The following SNTG1 variants were observed in gnomAD, a reference collection of about 807,000 sequenced individuals.
SNTG1 encodes the protein syntrophin gamma 1.
Under a neutral mutation model 74.7 loss-of-function variants are expected in SNTG1, and 39 were observed. The ratio of observed to expected loss-of-function variants is 0.52; its 90% confidence interval spans 0.40 to 0.68. The LOEUF is 0.68. Ranked by LOEUF, SNTG1 falls within the 30% of genes least tolerant of loss-of-function variation. SNTG1 has a pLI of 0.00. For missense variants in SNTG1, 685 were observed against 609.5 expected (o/e 1.12, Z -1.30); for synonymous variants, 254 against 217.1 (o/e 1.17, Z -1.49).
rs558644765 is a variant in SNTG1, at chr8:50,448,715, A to G, written c.220-953A>G. Among the ~76,000 whole-genome samples, 3 of 151,442 alleles carry G rather than the reference A, an allele frequency of 2.0e-5. No homozygotes were observed. The South Asian group carries it at 6.3e-4, about 32-fold the overall frequency. On this transcript the variant is annotated intron_variant, in intron 5 of 18. Transcript: ENST00000642720. ...TTAGCTTACTTGTCTTTCTTTTTTC[A>G]TATCTCATTTAGTCAACTAATAAAT...
At chr8:50,600,253 TA>T (rs1337136457) in intron 13 of SNTG1, among the ~76,000 whole-genome samples, 1 of 151,968 alleles carries the variant, frequency 6.6e-6, no homozygotes, top group East Asian at 1.9e-4. Flanking sequence ...TATTGGCCTG[TA>T]ATTTTTTTTT....
At chr8:50,352,680 G>A (rs930248638) in intron 2 of SNTG1, among the ~76,000 whole-genome samples, 2 of 152,100 alleles carry the variant, frequency 1.3e-5, no homozygotes, top group Non-Finnish European at 2.9e-5. Flanking sequence ...TGTATACCAG[G>A]CTTTTGGTCC....
At chr8:50,512,056 GT>G (rs2094082820) in intron 9 of SNTG1, among the ~76,000 whole-genome samples, 1 of 152,138 alleles carries the variant, frequency 6.6e-6, no homozygotes, top group East Asian at 1.9e-4. Context: ...GCTGGTACTG[GT>G]TTTTCCTTTC....
At chr8:50,110,389 C>G (rs979404779) in intron 1 of SNTG1, among the ~76,000 whole-genome samples, 6 of 152,174 alleles carry the variant, frequency 3.9e-5, no homozygotes, top group Non-Finnish European at 7.3e-5. Context: ...CAGGTGCAGG[C>G]AGGACTCTCA....
At chr8:50,112,631 T>C (rs1481798930) in intron 1 of SNTG1, among the ~76,000 whole-genome samples, 1 of 148,610 alleles carries the variant, frequency 6.7e-6, no homozygotes, top group East Asian at 2.1e-4. Context: ...CAAGAGAGTC[T>C]TCTGCCTCAG....
At chr8:50,466,493 C>A (rs1375964997) in intron 8 of SNTG1, among the ~76,000 whole-genome samples, 1 of 151,988 alleles carries the variant, frequency 6.6e-6, no homozygotes, top group East Asian at 1.9e-4. Flanking sequence ...TTAACTTTTT[C>A]TTTCCCAATA....
chr8:50,267,453 T>G (rs1005948398), intron 2 of SNTG1, among the ~76,000 whole-genome samples: 8 of 152,170 alleles, frequency 5.3e-5, no homozygotes, highest in Non-Finnish European at 7.4e-5. Context: ...AGTCAATCTA[T>G]GAGCTATACT....
intron 1 of SNTG1, among the ~76,000 whole-genome samples, chr8:50,089,482 G>C (rs1355890955): frequency 6.6e-6 from 1 of 151,578 alleles, no homozygotes; most frequent in Non-Finnish European, 1.5e-5. Flanking sequence ...CTACAAAATG[G>C]GAGAAAATTT....
intron 12 of SNTG1, among the ~76,000 whole-genome samples, chr8:50,586,708 CT>C (rs2130851673): frequency 6.6e-6 from 1 of 151,786 alleles, no homozygotes; most frequent in East Asian, 1.9e-4. Flanking sequence ...CCTTATAAGC[CT>C]TTAAAATGTT....
chr8:50,661,086 A>G (rs1394553346), intron 15 of SNTG1, among the ~76,000 whole-genome samples: 1 of 152,170 alleles, frequency 6.6e-6, no homozygotes, highest in African/African-American at 2.4e-5. Flanking sequence ...TTTAATAGAA[A>G]ATTAAATGTT....
intron 15 of SNTG1, among the ~76,000 whole-genome samples, chr8:50,670,128 G>A (rs2095272606): frequency 2.6e-5 from 4 of 152,128 alleles, no homozygotes; most frequent in Non-Finnish European, 5.9e-5. Context: ...TTGAAAACTG[G>A]CACAAGACAG....
intron 1 of SNTG1, among the ~76,000 whole-genome samples, chr8:50,141,154 G>T (rs921765927): frequency 2.6e-5 from 4 of 152,150 alleles, no homozygotes; most frequent in African/African-American, 9.7e-5. Flanking sequence ...CACGTTTTAG[G>T]CAGGTCTTCC....
chr8:50,010,845 T>A (rs1391269163), intron 1 of SNTG1, among the ~76,000 whole-genome samples: 1 of 148,190 alleles, frequency 6.7e-6, no homozygotes, highest in African/African-American at 2.5e-5. Flanking sequence ...AGTTAGTTAC[T>A]GTTGTTTCAG....
At chr8:50,645,791 A>G (rs1428170948) in intron 13 of SNTG1, among the ~76,000 whole-genome samples, 2 of 152,064 alleles carry the variant, frequency 1.3e-5, no homozygotes, top group Non-Finnish European at 2.9e-5. Flanking sequence ...GTTTTTCTCT[A>G]GGAGGGCTCA....
chr8:50,668,551 T>A (rs971345645), intron 15 of SNTG1, among the ~76,000 whole-genome samples: 5 of 150,820 alleles, frequency 3.3e-5, no homozygotes, highest in Non-Finnish European at 7.4e-5. Flanking sequence ...CTTTAAGTTC[T>A]GGGATACATG....
intron 13 of SNTG1, among the ~76,000 whole-genome samples, chr8:50,653,224 G>A (rs988196061): frequency 8.6e-5 from 13 of 151,848 alleles, no homozygotes; most frequent in Admixed American, 2.6e-4. Context: ...CGATCAGCTC[G>A]CTTGAGGCCA....
chr8:50,113,763 T>C (rs2080701675), intron 1 of SNTG1, among the ~76,000 whole-genome samples: 1 of 152,166 alleles, frequency 6.6e-6, no homozygotes, highest in African/African-American at 2.4e-5. Context: ...GTTCCATCAA[T>C]ACCTAATTTA....
chr8:49,961,311 C>T (rs1002282650), intron 1 of SNTG1, among the ~76,000 whole-genome samples: 2 of 152,124 alleles, frequency 1.3e-5, no homozygotes, highest in Admixed American at 6.5e-5. Flanking sequence ...AATGTGGCAC[C>T]TAATAAGAAA....
At chr8:50,446,083 A>C (rs1317557203) in intron 5 of SNTG1, among the ~76,000 whole-genome samples, 1 of 152,190 alleles carries the variant, frequency 6.6e-6, no homozygotes, top group Non-Finnish European at 1.5e-5. Flanking sequence ...GAAGAGAGGC[A>C]GTTTAAAGGT....
Sources: gnomAD v4.1 joint callset for allele counts (sites outside exome capture counted in the v4.1 genomes callset) on GRCh38, gnomAD v4.1.1 for gene constraint, MANE v1.5 for transcripts, NCBI Gene and HGNC (gene_info 2026-07-23, HGNC 2026-07-21) for gene names.